The following STARD13 variants were observed in gnomAD, a reference collection of about 807,000 sequenced individuals.
The protein encoded by STARD13 is StAR related lipid transfer domain containing 13.
A neutral mutation model predicts 106.4 loss-of-function variants in STARD13; 62 were observed. The ratio of observed to expected loss-of-function variants is 0.58; its 90% CI spans 0.48 to 0.72. STARD13 has a LOEUF of 0.72. Among genes scored for constraint, STARD13 ranks in the 30% least tolerant of loss-of-function variants. STARD13 has a pLI of 0.00. For missense variants in STARD13, 1,387 were observed against 1,424.0 expected (o/e 0.97, Z 0.42); for synonymous variants, 565 against 553.0 (o/e 1.02, Z -0.31).
At chr13:33,345,665 C>T (rs76798991), downstream of STARD13, among the ~76,000 whole-genome samples, 3,259 of 152,132 alleles carry the variant, frequency 0.021, 103 homozygotes, top group African/African-American at 0.071. Flanking sequence ...GCAACTGCCA[C>T]GGAATTGGAA....
intron 3 of STARD13, among the ~76,000 whole-genome samples, chr13:33,164,966 T>C (rs534894617): frequency 6.6e-6 from 1 of 152,288 alleles, no homozygotes. Context: ...GCTTCTTCCC[T>C]CTACTGACCC....
intron 1 of STARD13, among the ~76,000 whole-genome samples, chr13:33,313,523 T>G (rs544559328): frequency 6.6e-6 from 1 of 152,166 alleles, no homozygotes; most frequent in Non-Finnish European, 1.5e-5. Flanking sequence ...CTACCTAGAT[T>G]TAAACATTCT....
chr13:33,280,090 C>T (rs186211107), intron 1 of STARD13: 8 of 152,222 alleles, frequency 5.3e-5, no homozygotes, highest in Admixed American at 3.3e-4. Context: ...TGAAAGTAGT[C>T]GGGCAAGAAA....
At chr13:33,491,613 T>A in the STARD13 span, among the ~76,000 whole-genome samples, 1 of 151,924 alleles carries the variant, frequency 6.6e-6, no homozygotes, top group Non-Finnish European at 1.5e-5. Flanking sequence ...ATCAAGGATC[T>A]CTGTCTAAAA....
At chr13:33,206,659 G>T (rs554408834) in intron 1 of STARD13, among the ~76,000 whole-genome samples, 18 of 152,316 alleles carry the variant, frequency 1.2e-4, no homozygotes, top group African/African-American at 4.3e-4. Flanking sequence ...AGAGGCAGTT[G>T]CTTCTCTGGG....
chr13:33,144,720 G>A (rs1880299218), intron 3 of STARD13, among the ~76,000 whole-genome samples: 1 of 152,150 alleles, frequency 6.6e-6, no homozygotes. Flanking sequence ...AAGAGTGGGT[G>A]TGAAGTGAAA....
the STARD13 span, among the ~76,000 whole-genome samples, chr13:33,361,095 G>A: frequency 2.2e-4 from 33 of 149,932 alleles, no homozygotes; most frequent in Non-Finnish European, 4.1e-4. Flanking sequence ...GTGAACCACC[G>A]CGCCTGGCCT....
the STARD13 span, among the ~76,000 whole-genome samples, chr13:33,602,463 G>A: frequency 6.6e-6 from 1 of 152,162 alleles, no homozygotes; most frequent in Admixed American, 6.5e-5. Context: ...AGCAAAGCAG[G>A]AAAAGAAAGC....
chr13:33,529,116 G>A, the STARD13 span, among the ~76,000 whole-genome samples: 1 of 152,160 alleles, frequency 6.6e-6, no homozygotes, highest in Non-Finnish European at 1.5e-5. Context: ...TGAGAGCCAT[G>A]ACTATGCTCT....
At chr13:33,601,565 A>C in the STARD13 span, among the ~76,000 whole-genome samples, 1 of 152,232 alleles carries the variant, frequency 6.6e-6, no homozygotes, top group African/African-American at 2.4e-5. Context: ...AAAATGCTTT[A>C]TGGGAGGGAG....
intron 1 of STARD13, among the ~76,000 whole-genome samples, chr13:33,172,616 C>T (rs1243928037): frequency 1.3e-5 from 2 of 152,130 alleles, no homozygotes; most frequent in Non-Finnish European, 2.9e-5. Context: ...TTCTAGCATG[C>T]TTGGGAACAG....
In STARD13 at chr13:33,225,176, T is replaced by C. The variant is rs139154431; in HGVS notation, c.170-57554A>G. 2.3e-3 allele frequency among the ~76,000 whole-genome samples: 352 copies of C among 152,348 alleles called. 1 individual carries two copies. The highest frequency in any genetic ancestry group is 7.9e-3 in the African/African-American group (329 of 41,584). ...ACATTATGAATATCAGACACTGTAC[T>C]GTGATGTTCTTGGTACCAAATAAAA... On this transcript the variant is annotated intron_variant, in intron 1 of 13. Transcript: ENST00000336934.
intron 1 of STARD13, among the ~76,000 whole-genome samples, chr13:33,192,948 T>A (rs577388771): frequency 2.0e-5 from 3 of 152,094 alleles, no homozygotes; most frequent in Admixed American, 1.3e-4. Context: ...GAAGCTAGGA[T>A]CAGGGAGGTT....
At chr13:33,200,896 G>C (rs908170331) in intron 1 of STARD13, among the ~76,000 whole-genome samples, 29 of 151,964 alleles carry the variant, frequency 1.9e-4, no homozygotes, top group Admixed American at 2.6e-4. Context: ...CATGGTGGCA[G>C]GCGCCTGTGG....
the STARD13 span, among the ~76,000 whole-genome samples, chr13:33,422,374 GAATTC>G: frequency 0.073 from 11,079 of 152,036 alleles, 880 homozygotes; most frequent in East Asian, 0.3. Flanking sequence ...AAATACCTAG[GAATTC>G]AATTTACAAA....
intron 1 of STARD13, among the ~76,000 whole-genome samples, chr13:33,209,673 A>G (rs541211070): frequency 3.3e-5 from 5 of 152,256 alleles, no homozygotes; most frequent in African/African-American, 1.2e-4. Context: ...ATGACCATAT[A>G]CAAGAAGCGG....
chr13:33,196,661 A>G (rs1886646067), intron 1 of STARD13, among the ~76,000 whole-genome samples: 1 of 152,194 alleles, frequency 6.6e-6, no homozygotes, highest in African/African-American at 2.4e-5. Context: ...ATCTTTAACC[A>G]AACTAATCCT....
chr13:33,360,658 T>TCCTTCTGTGTAGACAGAAGGAA, the STARD13 span, among the ~76,000 whole-genome samples: 4 of 33,668 alleles, frequency 1.2e-4, no homozygotes, highest in Non-Finnish European at 1.5e-4. Flanking sequence ...GACAGAAGGA[T>TCCTTCTGTGTAGACAGAAGGAA]TCCTTCTGTG....
the STARD13 span, among the ~76,000 whole-genome samples, chr13:33,410,149 T>C: frequency 3.9e-5 from 6 of 152,244 alleles, no homozygotes; most frequent in Admixed American, 1.3e-4. Flanking sequence ...TTAATAAAAA[T>C]CAGTGGTTGT....
Sources: allele counts gnomAD v4.1 joint callset (sites outside exome capture counted in the v4.1 genomes callset), GRCh38; gene constraint gnomAD v4.1.1; transcripts MANE v1.5; gene names NCBI Gene and HGNC (gene_info 2026-07-23, HGNC 2026-07-21).